EPHA5: variants seen among roughly 807,000 people sequenced by gnomAD.
The protein encoded by EPHA5 is ephrin type-A receptor 5.
Under a neutral mutation model 105.0 loss-of-function variants are expected in EPHA5, and 60 were observed. The ratio of observed to expected loss-of-function variants is 0.57; its 90% CI spans 0.46 to 0.71. The LOEUF is 0.71. Among genes scored for constraint, EPHA5 ranks in the 30% least tolerant of loss-of-function variants. EPHA5 has a pLI of 0.00. For missense variants in EPHA5, 1,218 were observed against 1,274.7 expected, an observed-to-expected ratio of 0.96 and a Z score of 0.68; for synonymous variants, 513 against 449.1, an observed-to-expected ratio of 1.14 and a Z score of -1.80.
chr4:65,637,779 A>G (rs1747280618), intron 2 of EPHA5, among the ~76,000 whole-genome samples: 1 of 151,836 alleles, frequency 6.6e-6, no homozygotes, highest in South Asian at 2.1e-4. Flanking sequence ...GCCCCATTTT[A>G]TAAATAAAAA....
chr4:65,346,858 A>C (rs1901265), intron 14 of EPHA5, among the ~76,000 whole-genome samples: 149,790 of 152,272 alleles, frequency 0.98, 73,733 homozygotes, highest in East Asian at 1. Context: ...GACATTTATG[A>C]CCTTCTTTTC....
intron 5 of EPHA5, among the ~76,000 whole-genome samples, chr4:65,489,370 T>A (rs1028060260): frequency 6.6e-6 from 1 of 152,178 alleles, no homozygotes; most frequent in African/African-American, 2.4e-5. Flanking sequence ...AAGCCTGATT[T>A]CATTCAGTCA....
intron 3 of EPHA5, among the ~76,000 whole-genome samples, chr4:65,599,637 T>C (rs1158786705): frequency 2.0e-5 from 3 of 152,108 alleles, no homozygotes; most frequent in African/African-American, 7.2e-5. Flanking sequence ...ACTTTTTGCA[T>C]TACCTCTGCA....
chr4:65,362,166 C>T (rs538577060), intron 11 of EPHA5, among the ~76,000 whole-genome samples: 5 of 151,572 alleles, frequency 3.3e-5, no homozygotes, highest in East Asian at 2.0e-4. Context: ...TGAATGGGGG[C>T]TCAAGCTTCT....
intron 3 of EPHA5, among the ~76,000 whole-genome samples, chr4:65,595,488 C>A (rs1257104423): frequency 1.3e-5 from 2 of 151,962 alleles, no homozygotes; most frequent in Non-Finnish European, 2.9e-5. Context: ...AATTAAATTG[C>A]TCAGGAATAT....
rs185696777 is a variant in EPHA5 at position 65,646,828 on chromosome 4, T to C, written c.182-3401A>G. Among the ~76,000 whole-genome samples the C allele has an allele frequency of 1.2e-3, 187 of 152,212 alleles. 1 individual carries two copies. Among genetic ancestry groups the C allele is most frequent in the African/African-American group, 4.4e-3 (181 of 41,538 alleles). Reference sequence around the variant, plus strand: ...TAATAAAATATTTTAGTCTTATTTATAAAAATAAAAACAGAATATCTGACT... The same window carrying C: ...TAATAAAATATTTTAGTCTTATTTACAAAAATAAAAACAGAATATCTGACT... On this transcript the variant is annotated intron_variant, in intron 1 of 16. Coordinates refer to ENST00000613740, the MANE Select transcript of EPHA5 (RefSeq NM_001281766.3).
chr4:65,459,011 G>A (rs1373749051), intron 5 of EPHA5, among the ~76,000 whole-genome samples: 1 of 151,820 alleles, frequency 6.6e-6, no homozygotes, highest in African/African-American at 2.4e-5. Context: ...GTTATTTTTT[G>A]AGAGTAAGAA....
chr4:65,540,509 A>G (rs979112717), intron 3 of EPHA5, among the ~76,000 whole-genome samples: 1 of 151,406 alleles, frequency 6.6e-6, no homozygotes, highest in Non-Finnish European at 1.5e-5. Context: ...ATTATAGTAA[A>G]TGCCCCAAAA....
intron 7 of EPHA5, among the ~76,000 whole-genome samples, chr4:65,404,988 T>C (rs953596304): frequency 6.6e-6 from 1 of 152,152 alleles, no homozygotes. Context: ...TAAAATATAA[T>C]ATCACTATTC....
intron 3 of EPHA5, among the ~76,000 whole-genome samples, chr4:65,567,218 A>G (rs978508960): frequency 6.6e-5 from 10 of 151,874 alleles, no homozygotes; most frequent in East Asian, 1.9e-4. Flanking sequence ...TATACAATGC[A>G]TAAGTCAGCA....
At chr4:65,491,167 A>T (rs10022719) in intron 4 of EPHA5, among the ~76,000 whole-genome samples, 23,158 of 151,128 alleles carry the variant, frequency 0.15, 2,296 homozygotes, top group East Asian at 0.41. Flanking sequence ...GCTCCTGACT[A>T]CAAATGTTGT....
chr4:65,580,082 T>G (rs1379458417), intron 3 of EPHA5, among the ~76,000 whole-genome samples: 1 of 151,888 alleles, frequency 6.6e-6, no homozygotes, highest in Non-Finnish European at 1.5e-5. Flanking sequence ...AGAACGAGAC[T>G]TAGAGATCAT....
At chr4:65,568,083 C>CTT (rs376062049) in intron 3 of EPHA5, among the ~76,000 whole-genome samples, 381 of 151,616 alleles carry the variant, frequency 2.5e-3, no homozygotes, top group African/African-American at 8.8e-3. Flanking sequence ...AAGGCTCTCT[C>CTT]TTGTTTTGGG....
At position 65,549,054 on chromosome 4, in the gene EPHA5, T is replaced by A. The variant is rs138676890; in HGVS notation, c.910+52587A>T. 1.4e-4 allele frequency among the ~76,000 whole-genome samples: 21 copies of A among 152,292 alleles called. 1 individual carries two copies. The highest frequency in any genetic ancestry group is 3.4e-3 in the Middle Eastern group (1 of 294). ...TTTCAAGTACAGTGAAAATAGCAGATCTTTCTTTGACAGTTTTTGACATAT... is the reference window on the plus strand; with the variant it reads ...TTTCAAGTACAGTGAAAATAGCAGAACTTTCTTTGACAGTTTTTGACATAT... On this transcript the variant is annotated intron_variant, in intron 3 of 16. Transcript: ENST00000613740.
At chr4:65,505,681 CAT>C (rs1338689613) in intron 3 of EPHA5, among the ~76,000 whole-genome samples, 1 of 152,006 alleles carries the variant, frequency 6.6e-6, no homozygotes, top group African/African-American at 2.4e-5. Flanking sequence ...AATTTTTCAA[CAT>C]ATTTTCATGG....
chr4:65,535,246 G>A (rs1234664640), intron 3 of EPHA5, among the ~76,000 whole-genome samples: 1 of 151,986 alleles, frequency 6.6e-6, no homozygotes, highest in Non-Finnish European at 1.5e-5. Context: ...TGTAATCTTG[G>A]ATAACTTGCT....
At chr4:65,471,440 C>G (rs896940188) in intron 5 of EPHA5, among the ~76,000 whole-genome samples, 1 of 152,096 alleles carries the variant, frequency 6.6e-6, no homozygotes, top group South Asian at 2.1e-4. Context: ...ATTTTTATGT[C>G]AACTTTTATT....
intron 5 of EPHA5, among the ~76,000 whole-genome samples, chr4:65,446,173 C>T (rs6846467): frequency 0.016 from 2,465 of 152,228 alleles, 73 homozygotes; most frequent in African/African-American, 0.057. Flanking sequence ...TCAATAACTA[C>T]AGATGTCTGC....
chr4:65,454,050 G>T (rs1231902071), intron 5 of EPHA5, among the ~76,000 whole-genome samples: 4 of 152,144 alleles, frequency 2.6e-5, no homozygotes, highest in Non-Finnish European at 5.9e-5. Flanking sequence ...AGAGGCCAAG[G>T]CGGGCGGATC....
Sources: allele counts gnomAD v4.1 joint callset (sites outside exome capture counted in the v4.1 genomes callset), GRCh38; gene constraint gnomAD v4.1.1; transcripts MANE v1.5; gene names NCBI Gene and HGNC (gene_info 2026-07-23, HGNC 2026-07-21).